Variants in PCDHA10 observed in about 807,000 individuals in gnomAD.
The protein encoded by PCDHA10 is protocadherin alpha 10.
A neutral mutation model predicts 61.2 loss-of-function variants in PCDHA10; 45 were observed. That is an observed-to-expected ratio of 0.74 (90% CI 0.58 to 0.94). The LOEUF is 0.94. PCDHA10 is among the 40% of genes least tolerant of loss of function. The probability of loss-of-function intolerance (pLI) is 0.00; values close to 1 mark genes in which losing one functional copy is unlikely to be tolerated. For missense variants in PCDHA10, 1,278 were observed against 1,236.2 expected (o/e 1.03, Z -0.51); for synonymous variants, 602 against 548.8 (o/e 1.10, Z -1.35).
intron 1 of PCDHA10, chr5:140,871,406 T>C (rs1406444669): frequency 1.2e-6 from 2 of 1,614,032 alleles, no homozygotes; most frequent in Non-Finnish European, 1.7e-6. Flanking sequence ...AAGACGGACC[T>C]CATGGCCTTC....
At chr5:140,958,620 T>C (rs1260968586) in intron 1 of PCDHA10, among the ~76,000 whole-genome samples, 1 of 152,132 alleles carries the variant, frequency 6.6e-6, no homozygotes, top group African/African-American at 2.4e-5. Flanking sequence ...CTAGTCCAGC[T>C]TGAGAGTACT....
chr5:140,924,942 GT>G (rs1180985667), intron 1 of PCDHA10, among the ~76,000 whole-genome samples: 3 of 120,862 alleles, frequency 2.5e-5, no homozygotes, highest in African/African-American at 8.7e-5. Context: ...AAAATAAAAA[GT>G]TAAAAAAAAA....
chr5:140,981,264 C>T (rs2096925155), intron 2 of PCDHA10, among the ~76,000 whole-genome samples: 1 of 152,128 alleles, frequency 6.6e-6, no homozygotes, highest in Non-Finnish European at 1.5e-5. Flanking sequence ...TCAAGATAAG[C>T]AAATGTCTAG....
chr5:140,965,275 C>T (rs1280046381), intron 1 of PCDHA10, among the ~76,000 whole-genome samples: 7 of 152,158 alleles, frequency 4.6e-5, no homozygotes, highest in Non-Finnish European at 1.0e-4. Context: ...GGCAATGACA[C>T]AGCATGGAAA....
In PCDHA10 at chr5:140,877,394, A is replaced by G. The variant is rs538259450; in HGVS notation, c.2388+18958A>G. 5.6e-6 allele frequency: 9 copies of G among 1,613,930 alleles called. No individual in the cohort carries two copies. In the South Asian group the frequency reaches 8.8e-5, roughly 16 times the overall value. On this transcript the variant is annotated intron_variant, in intron 1 of 3. Transcript: ENST00000307360. ...ACGACACGCATCCTGGATGAGGCGG[A>G]CGCTCCGCGCCACCGCCTGCTGGTG... is the stretch of plus-strand genomic sequence containing the variant.
chr5:140,942,588 A>T (rs1416575390), intron 1 of PCDHA10, among the ~76,000 whole-genome samples: 1 of 149,588 alleles, frequency 6.7e-6, no homozygotes, highest in South Asian at 2.1e-4. Flanking sequence ...AGGATGTCAC[A>T]TATAATTATA....
chr5:140,944,058 G>A (rs185843356), intron 1 of PCDHA10, among the ~76,000 whole-genome samples: 116 of 152,248 alleles, frequency 7.6e-4, no homozygotes, highest in African/African-American at 2.7e-3. Flanking sequence ...ATACAAAAAG[G>A]TTTCTTGTTA....
chr5:141,007,037 T>C (rs1413139986), intron 3 of PCDHA10, among the ~76,000 whole-genome samples: 1 of 152,170 alleles, frequency 6.6e-6, no homozygotes, highest in Non-Finnish European at 1.5e-5. Flanking sequence ...TTTATATCTA[T>C]GGATATGGCT....
chr5:140,928,843 A>T (rs782153694), intron 1 of PCDHA10: 3 of 1,614,018 alleles, frequency 1.9e-6, no homozygotes, highest in Non-Finnish European at 2.5e-6. Flanking sequence ...CTCCTCTGTC[A>T]CTCTGGGTGT....
chr5:140,870,455 C>A, intron 1 of PCDHA10: 6 of 1,614,246 alleles, frequency 3.7e-6, no homozygotes, highest in Non-Finnish European at 5.1e-6. Context: ...AACGACAATG[C>A]GCCTGCGTTC....
At chr5:140,863,524 T>A in intron 1 of PCDHA10, 1 of 397,376 alleles carries the variant, frequency 2.5e-6, no homozygotes, top group Non-Finnish European at 4.9e-6. Context: ...CTCCCATGGT[T>A]CAGATTTTGG....
rs576802253 is a variant in PCDHA10 at position 140,888,837 on chromosome 5, C to T, written c.2388+30401C>T. ...GATCTGTGATCACATCACTCCACTG[C>T]AGCCTGGTGACAGAGTGAGACCATG... is the stretch of plus-strand genomic sequence containing the variant. On this transcript the variant is annotated intron_variant, in intron 1 of 3. Coordinates refer to ENST00000307360, the MANE Select transcript of PCDHA10 (RefSeq NM_018901.4). Among the ~76,000 whole-genome samples, 5 of 152,130 alleles carry T rather than the reference C, an allele frequency of 3.3e-5. No individual in the cohort carries two copies. In the South Asian group the frequency reaches 1.0e-3, roughly 32 times the overall value.
chr5:140,926,778 A>G, intron 1 of PCDHA10: 1 of 1,393,042 alleles, frequency 7.2e-7, no homozygotes, highest in East Asian at 2.6e-5. Context: ...CGCAGCAGTG[A>G]CGGCCGGCAG....
chr5:140,856,328 C>A lies in PCDHA10; in HGVS notation c.280C>A (p.Leu94Met). Residue 94 changes from leucine to methionine, a missense_variant, in exon 1 of 4, where the codon CTG becomes ATG. By Grantham distance (15) the Leu-to-Met change is conservative. Transcript: ENST00000307360. ...GAATTCTCGGATTGACCGCGAGGAG[C>A]TGTGCGGGCGGAGCGTGGAGTGCAG... is the stretch of plus-strand genomic sequence containing the variant. ...FVNSRIDREE[L>M]CGRSVECSIH... The A allele has an allele frequency of 6.3e-7, 1 of 1,598,592 alleles. No homozygotes were observed.
intron 1 of PCDHA10, chr5:140,862,641 A>C (rs529897830): frequency 1.7e-5 from 9 of 540,658 alleles, no homozygotes; most frequent in Admixed American, 9.7e-5. Context: ...ACGACTTCAC[A>C]GTGTCCGCGC....
intron 1 of PCDHA10, among the ~76,000 whole-genome samples, chr5:140,937,632 G>T (rs1228752133): frequency 1.3e-5 from 2 of 150,132 alleles, no homozygotes; most frequent in Admixed American, 1.3e-4. Flanking sequence ...AAAAAGAAAG[G>T]CAGGGCATGG....
At chr5:140,870,796 C>T in intron 1 of PCDHA10, 1 of 1,613,694 alleles carries the variant, frequency 6.2e-7, no homozygotes, top group Non-Finnish European at 8.5e-7. Flanking sequence ...GCCGGCACTG[C>T]TGGCGACTCA....
At chr5:140,882,732 A>G (rs782399296) in intron 1 of PCDHA10, 3 of 1,614,228 alleles carry the variant, frequency 1.9e-6, no homozygotes, top group Non-Finnish European at 2.5e-6. Context: ...TTTCCACTAG[A>G]TGGCGCATCC....
At chr5:140,937,933 A>T (rs1452935525) in intron 1 of PCDHA10, among the ~76,000 whole-genome samples, 1 of 151,854 alleles carries the variant, frequency 6.6e-6, no homozygotes, top group Non-Finnish European at 1.5e-5. Flanking sequence ...AAAAAGTTTA[A>T]TTTGATAATT....
Sources: allele counts gnomAD v4.1 joint callset (sites outside exome capture counted in the v4.1 genomes callset), GRCh38; gene constraint gnomAD v4.1.1; transcripts MANE v1.5; gene names NCBI Gene and HGNC (gene_info 2026-07-23, HGNC 2026-07-21).